The following UNKL variants were observed in gnomAD, a reference collection of about 807,000 sequenced individuals.
UNKL encodes unk like zinc finger, also known as putative E3 ubiquitin-protein ligase UNKL.
UNKL carries 60 observed loss-of-function variants against 78.0 expected under a neutral mutation model. That is an observed-to-expected ratio of 0.77 (90% CI 0.63 to 0.95). The LOEUF is 0.95. Among genes scored for constraint, UNKL ranks in the 40% least tolerant of loss-of-function variants. UNKL has a pLI of 0.00. For synonymous variants in UNKL, 608 were observed against 474.8 expected, an observed-to-expected ratio of 1.28 and a Z score of -3.65; for missense variants, 1,159 against 1,045.7, an observed-to-expected ratio of 1.11 and a Z score of -1.49.
rs749459497 is a variant in UNKL, at chr16:1,392,983, G to A, written c.938-7C>T. 2 of 1,550,340 alleles carry A rather than the reference G, an allele frequency of 1.3e-6. No homozygotes were observed. The highest frequency in any genetic ancestry group is 2.7e-5 in the African/African-American group (2 of 73,056). ...TTCACCATCCCCAGGCTCTCTGCAA[G>A]GACAGGGGAGCAGCAGACTCTGAGG... On this transcript the variant is annotated splice_polypyrimidine_tract_variant and splice_region_variant and intron_variant, in intron 7 of 14. Transcript: ENST00000389221.
chr16:1,398,534 A>T, intron 5 of UNKL: 13 of 1,327,512 alleles, frequency 9.8e-6, no homozygotes, highest in Non-Finnish European at 1.2e-5. Context: ...AAGGAAGCAC[A>T]GGTGCTCTCC....
At position 1,403,382 on chromosome 16, in the gene UNKL, G is replaced by A. The variant is rs758073106; in HGVS notation, c.288-38C>T. 1 of 1,596,874 alleles carries A rather than the reference G, an allele frequency of 6.3e-7. No individual in the cohort carries two copies. Among genetic ancestry groups the A allele is most frequent in the Non-Finnish European group, 8.5e-7 (1 of 1,171,886 alleles). On this transcript the variant is annotated intron_variant, in intron 2 of 14. Coordinates refer to ENST00000389221, the MANE Select transcript of UNKL (RefSeq NM_001372107.1). The surrounding 1 kb of genome is among the most constrained non-coding windows in gnomAD (Gnocchi z 4.8). ...GAGGCACGCAATGCCTGGTTATCATGGACCCAGAGGCAGCCCTAAGCTCCC... is the reference window on the plus strand; with the variant it reads ...GAGGCACGCAATGCCTGGTTATCATAGACCCAGAGGCAGCCCTAAGCTCCC...
chr16:1,374,236 C>T (rs1482754722), intron 10 of UNKL, among the ~76,000 whole-genome samples: 6 of 152,180 alleles, frequency 3.9e-5, no homozygotes, highest in Non-Finnish European at 7.4e-5. Context: ...GCGCCCTCCC[C>T]GCTGCCCACC....
intron 11 of UNKL, among the ~76,000 whole-genome samples, chr16:1,370,947 G>A (rs1380454541): frequency 1.3e-5 from 2 of 152,074 alleles, no homozygotes; most frequent in African/African-American, 4.8e-5. Context: ...GCTGGGCGTG[G>A]TGGCGGGCAC....
rs201404305 is a variant in UNKL at position 1,383,280 on chromosome 16, A to AC, written c.1264+1927_1264+1928insG. 2.6e-5 allele frequency among the ~76,000 whole-genome samples: 4 copies of AC among 151,344 alleles called. No individual in the cohort carries two copies. In the East Asian group the frequency reaches 7.8e-4, roughly 29 times the overall value. On this transcript the variant is annotated intron_variant, in intron 10 of 14. Coordinates refer to ENST00000389221, the MANE Select transcript of UNKL (RefSeq NM_001372107.1). ...AGAGAGAAACTCCGTCTCAAAAAAA[A>AC]AAAAAAAACAAAATCAAAACAAAAC...
chr16:1,396,850 C>T (rs778664542), intron 6 of UNKL, among the ~76,000 whole-genome samples: 1 of 152,198 alleles, frequency 6.6e-6, no homozygotes, highest in Non-Finnish European at 1.5e-5. Context: ...TCCCAAAGTG[C>T]TGGGATTACA....
At chr16:1,402,620 G>A (rs1015994804) in intron 3 of UNKL, among the ~76,000 whole-genome samples, 2 of 151,602 alleles carry the variant, frequency 1.3e-5, no homozygotes, top group Non-Finnish European at 2.9e-5. Context: ...CCAAGATCAC[G>A]CCACTGCACT....
At chr16:1,378,478 G>A (rs532148086) in intron 10 of UNKL, among the ~76,000 whole-genome samples, 1 of 152,338 alleles carries the variant, frequency 6.6e-6, no homozygotes, top group South Asian at 2.1e-4. Context: ...GACAGGAACG[G>A]AGGCGCCTTT....
In UNKL at chr16:1,399,027, T is replaced by C; in HGVS notation, c.734+347A>G. 1 of 1,442,930 alleles carries C rather than the reference T, an allele frequency of 6.9e-7. No homozygotes were observed. Among genetic ancestry groups the C allele is most frequent in the Admixed American group, 2.6e-5 (1 of 39,028 alleles). The allele number at this position is 1,442,930 out of a possible 1,614,324, so 89.4% of individuals were successfully genotyped here. Reference sequence around the variant, plus strand: ...AGGAGACAGCATGCAGCCCACAGGCTGGAGAGCGTGGCTGCAACCAGAGGC... The same window carrying C: ...AGGAGACAGCATGCAGCCCACAGGCCGGAGAGCGTGGCTGCAACCAGAGGC... On this transcript the variant is annotated intron_variant, in intron 5 of 14. Transcript: ENST00000389221. The surrounding 1 kb of genome is among the most constrained non-coding windows in gnomAD (Gnocchi z 5.8).
In UNKL at chr16:1,401,602, A is replaced by G; in HGVS notation, c.564T>C (p.Ile188=). ...QPGVLASQAM[I]EKILSEDPRW... ...GGGGGTCCTCGCTCAGGATCTTCTC[A>G]ATCATGGCCTGGCTGGCCAAGACCC... is the stretch of plus-strand genomic sequence containing the variant. The change falls in exon 4 of 15, where the codon ATT becomes ATC. Residue 188 remains isoleucine (I), a synonymous_variant. Coordinates refer to ENST00000389221, the MANE Select transcript of UNKL (RefSeq NM_001372107.1). 2 of 1,604,488 alleles carry G rather than the reference A, an allele frequency of 1.2e-6. No individual in the cohort carries two copies. The highest frequency in any genetic ancestry group is 2.2e-5 in the South Asian group (2 of 89,938).
At position 1,403,329 on chromosome 16, in the gene UNKL, G is replaced by A; in HGVS notation, c.303C>T (p.His101=). ...TGCGTTCTGTGTCCCCCGTCGTCCG[G>A]TGCAGGTAGGGACACCTGGGGAGCA... The part of the protein sequence containing the change: ...CPDGDECPYL[H]RTTGDTERKY... Residue 101 remains histidine (H), a synonymous_variant, in exon 3 of 15, where the codon CAC becomes CAT. Coordinates refer to ENST00000389221, the MANE Select transcript of UNKL (RefSeq NM_001372107.1). The surrounding 1 kb of genome is among the most constrained non-coding windows in gnomAD (Gnocchi z 4.8). 2 of 1,614,154 alleles carry A rather than the reference G, an allele frequency of 1.2e-6. No individual in the cohort carries two copies. Among genetic ancestry groups the A allele is most frequent in the Non-Finnish European group, 1.7e-6 (2 of 1,180,006 alleles).
intron 9 of UNKL, among the ~76,000 whole-genome samples, chr16:1,385,789 G>A (rs1234241594): frequency 6.6e-6 from 1 of 152,244 alleles, no homozygotes; most frequent in South Asian, 2.1e-4. Flanking sequence ...CCCCGCCCCG[G>A]CTCTCGCCCA....
At chr16:1,407,818 G>C (rs1400724329) in intron 2 of UNKL, among the ~76,000 whole-genome samples, 1 of 152,220 alleles carries the variant, frequency 6.6e-6, no homozygotes, top group African/African-American at 2.4e-5. Context: ...CCACAGTGCA[G>C]GAGCGCTCTT....
intron 9 of UNKL, 132 bp downstream of exon 9, chr16:1,390,500 G>T: frequency 1.1e-6 from 1 of 915,780 alleles, no homozygotes. Context: ...GGCTTTGCGA[G>T]CCGAGAGTGG....
At position 1,363,621 on chromosome 16, in the gene UNKL, G is replaced by C. The variant is rs963917300; in HGVS notation, c.*2619C>G. ...TGGCCACAGGGGGGAGCTGCTGGGC[G>C]CGCCTCCACCTCAGCCTCCACGGGG... On this transcript the variant is annotated 3_prime_UTR_variant, in exon 15 of 15. Transcript: ENST00000389221. 1 of 198,044 alleles carries C rather than the reference G, an allele frequency of 5.0e-6. No homozygotes were observed. Among genetic ancestry groups the C allele is most frequent in the Non-Finnish European group, 1.1e-5 (1 of 94,918 alleles). The allele number at this position is 198,044 out of a possible 1,614,324, so 12.3% of individuals were successfully genotyped here.
At chr16:1,378,960 G>A (rs1252837115) in intron 10 of UNKL, 1 of 152,320 alleles carries the variant, frequency 6.6e-6, no homozygotes, top group Non-Finnish European at 1.5e-5. Flanking sequence ...CATTCTCAAA[G>A]AAAGAGCTGA....
rs1009469954 is a variant in UNKL at position 1,412,515 on chromosome 16, G to A, written c.287+1331C>T. Among the ~76,000 whole-genome samples, 243 of 152,344 alleles carry A rather than the reference G, an allele frequency of 1.6e-3. 3 individuals carry two copies. The highest frequency in any genetic ancestry group is 0.016 in the Admixed American group (239 of 15,300). ...TAATCCCAGCTATTCAGGAGGCTGA[G>A]GCAGGTCACTTAAACCTGCACAAGG... On this transcript the variant is annotated intron_variant, in intron 2 of 14. Transcript: ENST00000389221.
At chr16:1,410,056 T>G (rs953695594) in intron 2 of UNKL, among the ~76,000 whole-genome samples, 1 of 151,906 alleles carries the variant, frequency 6.6e-6, no homozygotes, top group African/African-American at 2.4e-5. Flanking sequence ...TCCAGTCTGG[T>G]AGATAAAGCG....
intron 6 of UNKL, chr16:1,396,950 T>C: frequency 1.8e-6 from 1 of 557,788 alleles, no homozygotes. Flanking sequence ...TTTCTTCTGT[T>C]ACAGGCCAAG....
Sources: gnomAD v4.1 joint callset for allele counts (sites outside exome capture counted in the v4.1 genomes callset) on GRCh38, gnomAD v4.1.1 for gene constraint, Gnocchi (gnomAD v3.1) non-coding constraint, MANE v1.5 for transcripts, NCBI Gene and HGNC (gene_info 2026-07-23, HGNC 2026-07-21) for gene names.